Variants in GORASP2 observed in about 807,000 individuals in gnomAD.
GORASP2 encodes the protein Golgi reassembly-stacking protein 2.
A neutral mutation model predicts 45.7 loss-of-function variants in GORASP2; 22 were observed. That is an observed-to-expected ratio of 0.48 (90% CI 0.34 to 0.69). GORASP2 has a LOEUF of 0.69. Ranked by LOEUF, GORASP2 falls within the 30% of genes least tolerant of loss-of-function variation. GORASP2 has a pLI of 0.01. For synonymous variants in GORASP2, 221 were observed against 215.6 expected, an observed-to-expected ratio of 1.02 and a Z score of -0.22; for missense variants, 491 against 562.7, an observed-to-expected ratio of 0.87 and a Z score of 1.29.
At chr2:170,929,439 T>A in intron 1 of GORASP2, 36 bp downstream of exon 1, 1 of 1,336,800 alleles carries the variant, frequency 7.5e-7, no homozygotes, top group Non-Finnish European at 9.6e-7. Context: ...AGCTGCGGGC[T>A]GGAGGCGGGG....
At chr2:170,950,779 C>T (rs141326550) in intron 4 of GORASP2, among the ~76,000 whole-genome samples, 120 of 152,166 alleles carry the variant, frequency 7.9e-4, no homozygotes, top group Admixed American at 1.6e-3. Context: ...CTCAGGAGTT[C>T]GAGACCAGTC....
chr2:170,933,988 T>C (rs981474978), intron 1 of GORASP2, among the ~76,000 whole-genome samples: 4 of 146,606 alleles, frequency 2.7e-5, no homozygotes, highest in African/African-American at 9.9e-5. Flanking sequence ...ATTACTTCTA[T>C]AGAAAATGCA....
At position 170,965,828 on chromosome 2, in the gene GORASP2, C is replaced by G; in HGVS notation, c.1057C>G (p.Pro353Ala). The change falls in exon 10 of 10, where the codon CCT (proline) becomes GCT (alanine). Residue 353 changes from proline to alanine, a missense_variant. By Grantham distance (27) the Pro-to-Ala change is conservative. Around this residue, in one of 2 missense-constraint regions of GORASP2, gnomAD observed 297 missense variants for 292.3 expected, o/e 1.02. Transcript: ENST00000234160. ...TCCTTCCATGCCTCCCCGAAACTTA[C>G]CTGGCATTGCACCTCTCCCCCTGCC... ...PLPSMPPRNL[P>A]GIAPLPLPSE... 1 of 1,614,074 alleles carries G rather than the reference C, an allele frequency of 6.2e-7. No homozygotes were observed. The highest frequency in any genetic ancestry group is 8.5e-7 in the Non-Finnish European group (1 of 1,179,998).
At chr2:170,955,893 T>A (rs1012559637) in intron 6 of GORASP2, among the ~76,000 whole-genome samples, 5 of 152,202 alleles carry the variant, frequency 3.3e-5, no homozygotes, top group Admixed American at 3.3e-4. Flanking sequence ...ATCTGTAGAG[T>A]CCATAGAGAC....
At chr2:170,949,410 T>C in intron 2 of GORASP2, 129 bp from the exon 3 acceptor site, 1 of 639,132 alleles carries the variant, frequency 1.6e-6, no homozygotes. Context: ...AAAATTTAAA[T>C]GTTGGTGAAA....
At chr2:170,963,025 T>A in intron 9 of GORASP2, 79 bp downstream of exon 9, 1 of 886,524 alleles carries the variant, frequency 1.1e-6, no homozygotes, top group Middle Eastern at 2.2e-4. Flanking sequence ...TTCAGTTTTT[T>A]CTGGAGAGAG....
intron 4 of GORASP2, among the ~76,000 whole-genome samples, chr2:170,950,654 C>G (rs1457071478): frequency 6.6e-6 from 1 of 152,164 alleles, no homozygotes; most frequent in Non-Finnish European, 1.5e-5. Flanking sequence ...TTCCTTGTCT[C>G]TTAGCTAGCG....
chr2:170,953,261 CG>C (rs1481140216), intron 5 of GORASP2, among the ~76,000 whole-genome samples: 1 of 151,842 alleles, frequency 6.6e-6, no homozygotes, highest in African/African-American at 2.4e-5. Context: ...GAGGCTCAGG[CG>C]GGAGGATTGC....
Position 170,966,210 on chromosome 2 carries a change from A to C in GORASP2, c.*80A>C, listed in dbSNP as rs935886339. ...GGAAACGCAAACTATCATTAATTTC[A>C]TACTAGTTTGTACCGTATCTGTAGG... On this transcript the variant is annotated 3_prime_UTR_variant, in exon 10 of 10. Coordinates refer to ENST00000234160, the MANE Select transcript of GORASP2 (RefSeq NM_015530.5). The C allele has an allele frequency of 1.7e-5, 17 of 1,003,268 alleles. No homozygotes were observed. The highest frequency in any genetic ancestry group is 2.4e-5 in the Non-Finnish European group (15 of 636,760). 62.1% of individuals were successfully genotyped at this position (1,003,268 alleles called of 1,614,324 possible).
At chr2:170,936,995 G>A (rs1225060206) in intron 1 of GORASP2, among the ~76,000 whole-genome samples, 1 of 152,130 alleles carries the variant, frequency 6.6e-6, no homozygotes, top group Non-Finnish European at 1.5e-5. Flanking sequence ...GATCACCGAG[G>A]TCAGGAGTTC....
chr2:170,964,312 C>T (rs1378005154), intron 9 of GORASP2, among the ~76,000 whole-genome samples: 1 of 152,218 alleles, frequency 6.6e-6, no homozygotes, highest in African/African-American at 2.4e-5. Flanking sequence ...CACTCACCAT[C>T]TGTGTATATT....
intron 1 of GORASP2, chr2:170,936,760 C>G (rs971224873): frequency 5.0e-6 from 3 of 596,768 alleles, no homozygotes; most frequent in Non-Finnish European, 8.4e-6. Context: ...TAAGACCACG[C>G]TGGGCAACAT....
intron 1 of GORASP2, among the ~76,000 whole-genome samples, chr2:170,934,138 GGA>G (rs1234608340): frequency 6.6e-6 from 1 of 151,904 alleles, no homozygotes; most frequent in Admixed American, 6.6e-5. Flanking sequence ...TGTTGTGATG[GGA>G]TTTCAATTTA....
chr2:170,933,985 C>G (rs1279802487), intron 1 of GORASP2, among the ~76,000 whole-genome samples: 1 of 91,052 alleles, frequency 1.1e-5, no homozygotes, highest in Non-Finnish European at 2.6e-5. Context: ...GGAATTACTT[C>G]TATAGAAAAT....
chr2:170,938,031 A>G (rs899616993), intron 1 of GORASP2, among the ~76,000 whole-genome samples: 1 of 152,214 alleles, frequency 6.6e-6, no homozygotes, highest in African/African-American at 2.4e-5. Flanking sequence ...AGCCACTTCT[A>G]CCTTTTCCAC....
intron 9 of GORASP2, among the ~76,000 whole-genome samples, chr2:170,964,755 C>T (rs113041362): frequency 2.0e-5 from 3 of 152,266 alleles, no homozygotes; most frequent in African/African-American, 7.2e-5. Flanking sequence ...TTGGCTCCTC[C>T]TCTGCCCTTT....
At chr2:170,938,194 T>G (rs1033760837) in intron 1 of GORASP2, among the ~76,000 whole-genome samples, 1 of 152,274 alleles carries the variant, frequency 6.6e-6, no homozygotes, top group Non-Finnish European at 1.5e-5. Context: ...ATGTGGAATA[T>G]AATAAGGATT....
At chr2:170,956,107 T>C (rs1252754537) in intron 6 of GORASP2, among the ~76,000 whole-genome samples, 1 of 152,166 alleles carries the variant, frequency 6.6e-6, no homozygotes, top group Non-Finnish European at 1.5e-5. Context: ...GTTTAAAGGT[T>C]GAATAAAATG....
chr2:170,937,874 A>G (rs982133431), intron 1 of GORASP2, among the ~76,000 whole-genome samples: 1 of 152,202 alleles, frequency 6.6e-6, no homozygotes, highest in Non-Finnish European at 1.5e-5. Flanking sequence ...GTACATTGAG[A>G]AACTATCATA....
Sources: allele counts gnomAD v4.1 joint callset (sites outside exome capture counted in the v4.1 genomes callset), GRCh38; gene constraint gnomAD v4.1.1; regional missense constraint gnomAD v4.1.1; transcripts MANE v1.5; gene names NCBI Gene and HGNC (gene_info 2026-07-23, HGNC 2026-07-21).